Variants in HMGA2 observed in about 807,000 individuals in gnomAD.
HMGA2 encodes high mobility group protein HMGI-C.
HMGA2 carries 8 observed loss-of-function variants against 19.1 expected under a neutral mutation model. The ratio of observed to expected loss-of-function variants is 0.42; its 90% confidence interval spans 0.25 to 0.76. The LOEUF (loss-of-function observed/expected upper bound fraction) is 0.76, where lower values mean the gene tolerates loss of function less well. Ranked by LOEUF, HMGA2 falls within the 30% of genes least tolerant of loss-of-function variation. The pLI, the probability that HMGA2 is intolerant of heterozygous loss-of-function variation, is 0.28. For synonymous variants in HMGA2, 60 were observed against 48.8 expected, an observed-to-expected ratio of 1.23 and a Z score of -0.96; for missense variants, 109 against 136.3, an observed-to-expected ratio of 0.80 and a Z score of 1.00.
chr12:65,877,239 C>G (rs1287053170), intron 3 of HMGA2: 1 of 152,206 alleles, frequency 6.6e-6, no homozygotes, highest in African/African-American at 2.4e-5. Context: ...CGGCAGGCTG[C>G]ACTTTCCCAA....
intron 3 of HMGA2, chr12:65,859,627 C>T (rs1481397692): frequency 6.6e-6 from 1 of 152,224 alleles, no homozygotes; most frequent in Non-Finnish European, 1.5e-5. Context: ...TCTTCAAAGT[C>T]CAGTTTAGAC....
chr12:65,845,737 A>C (rs1871206849), intron 3 of HMGA2, among the ~76,000 whole-genome samples: 1 of 152,252 alleles, frequency 6.6e-6, no homozygotes, highest in Admixed American at 6.5e-5. Flanking sequence ...ACCTTTGGGC[A>C]GGTTGCTTAA....
intron 4 of HMGA2, among the ~76,000 whole-genome samples, chr12:65,961,738 AGTGTGTGT>A (rs66619603): frequency 0.025 from 3,819 of 150,254 alleles, 109 homozygotes; most frequent in African/African-American, 0.068. Flanking sequence ...CCCAGGATAG[AGTGTGTGT>A]GTGTGTGTGT....
At chr12:65,929,332 T>G (rs1315918038) in intron 3 of HMGA2, among the ~76,000 whole-genome samples, 1 of 152,060 alleles carries the variant, frequency 6.6e-6, no homozygotes, top group Non-Finnish European at 1.5e-5. Context: ...CTATAAAATG[T>G]AAAAACCTTT....
chr12:65,842,360 A>T, intron 3 of HMGA2: 1 of 616,740 alleles, frequency 1.6e-6, no homozygotes, highest in South Asian at 1.9e-5. Context: ...GGAAATTATG[A>T]TTAATTTCAC....
chr12:65,881,532 A>G, intron 3 of HMGA2: 1 of 584,034 alleles, frequency 1.7e-6, no homozygotes, highest in Non-Finnish European at 3.0e-6. Flanking sequence ...AACCACTCCA[A>G]CAAATCCTCC....
intron 3 of HMGA2, among the ~76,000 whole-genome samples, chr12:65,871,470 G>T (rs1055213391): frequency 1.3e-5 from 2 of 152,162 alleles, no homozygotes; most frequent in African/African-American, 4.8e-5. Flanking sequence ...TGTGTGAATG[G>T]AAAATGAATT....
intron 3 of HMGA2, among the ~76,000 whole-genome samples, chr12:65,938,049 G>A (rs372372871): frequency 1.5e-4 from 23 of 152,204 alleles, no homozygotes; most frequent in African/African-American, 5.3e-4. Context: ...AGCAGGTCTG[G>A]CCTGTTAAAA....
intron 2 of HMGA2, among the ~76,000 whole-genome samples, chr12:65,833,648 CT>C (rs1870572277): frequency 6.6e-6 from 1 of 152,040 alleles, no homozygotes; most frequent in Admixed American, 6.6e-5. Context: ...GATTTTCACC[CT>C]AGAAGGTTAT....
rs1243581639 is a variant in HMGA2 at position 65,947,703 on chromosome 12, G to C, written c.250-3680G>C. On this transcript the variant is annotated intron_variant, in intron 3 of 4. Transcript: ENST00000403681. The stretch of plus-strand genomic sequence containing the variant: ...CACTTAGAATTGGATCATCAGATTT[G>C]TCTAAACAACTTGAAAGGCTTTGCT... 2.6e-5 allele frequency among the ~76,000 whole-genome samples: 4 copies of C among 152,202 alleles called. No homozygotes were observed. The East Asian group carries it at 7.7e-4, about 29-fold the overall frequency.
Position 65,931,397 on chromosome 12 carries a change from C to A in HMGA2, c.250-19986C>A, listed in dbSNP as rs547588123. Among the ~76,000 whole-genome samples the A allele has an allele frequency of 2.5e-4, 38 of 152,122 alleles. No homozygotes were observed. In the East Asian group the frequency reaches 7.0e-3, roughly 28 times the overall value. On this transcript the variant is annotated intron_variant, in intron 3 of 4. Transcript: ENST00000403681. ...CATTTTGGAACTTCCTTCTTTACCC[C>A]CTCCCGAAACCATCATCTCACAACT...
intron 3 of HMGA2, among the ~76,000 whole-genome samples, chr12:65,933,706 T>C (rs976472008): frequency 1.3e-5 from 2 of 151,982 alleles, no homozygotes; most frequent in African/African-American, 4.8e-5. Context: ...TAGTGGGAGG[T>C]ATCCATCAAA....
intron 2 of HMGA2, among the ~76,000 whole-genome samples, chr12:65,829,569 C>T (rs572545202): frequency 5.9e-5 from 9 of 152,014 alleles, no homozygotes; most frequent in East Asian, 5.8e-4. Flanking sequence ...ATAGCTGACA[C>T]GCATTTAAGC....
intron 4 of HMGA2, chr12:65,952,597 A>AT (rs1876495076): frequency 1.9e-6 from 2 of 1,049,412 alleles, no homozygotes; most frequent in Non-Finnish European, 2.5e-6. Context: ...GCTAAAAAAA[A>AT]CCCAGTGTTT....
At chr12:65,838,682 G>A (rs1481940551) in intron 3 of HMGA2, 113 bp downstream of exon 3, 1 of 775,274 alleles carries the variant, frequency 1.3e-6, no homozygotes, top group East Asian at 2.7e-5. Context: ...CTGGTTTGAT[G>A]AATCTTTGAA....
intron 3 of HMGA2, chr12:65,914,767 C>T (rs1351923667): frequency 5.3e-6 from 2 of 379,270 alleles, no homozygotes; most frequent in Non-Finnish European, 1.0e-5. Flanking sequence ...CTCCACCTCC[C>T]AGGTTCAAGC....
chr12:65,831,255 G>C (rs1233290897), intron 2 of HMGA2, among the ~76,000 whole-genome samples: 1 of 151,830 alleles, frequency 6.6e-6, no homozygotes, highest in Non-Finnish European at 1.5e-5. Context: ...TAGAGAGAAA[G>C]AAGTTATAAT....
Position 65,828,088 on chromosome 12 carries a change from G to A in HMGA2, c.198+1G>A, listed in dbSNP as rs1241586108. ...GAGTCCCTCTAAAGCAGCTCAAAAGGTGAGATTTCTCAAGTCAAGCTCTCC... is the reference window on the plus strand; with the variant it reads ...GAGTCCCTCTAAAGCAGCTCAAAAGATGAGATTTCTCAAGTCAAGCTCTCC... On this transcript the variant is annotated splice_donor_variant, in intron 2 of 4. Transcript: ENST00000403681. LOFTEE classifies it high-confidence loss of function. 6.2e-7 allele frequency: 1 copy of A among 1,609,574 alleles called. No homozygotes were observed. The highest frequency in any genetic ancestry group is 8.5e-7 in the Non-Finnish European group (1 of 1,176,012).
chr12:65,923,652 T>C (rs946997516), intron 3 of HMGA2, among the ~76,000 whole-genome samples: 1 of 152,232 alleles, frequency 6.6e-6, no homozygotes, highest in Non-Finnish European at 1.5e-5. Context: ...ATAAGAGCCA[T>C]TTTCTGGCTT....
Sources: allele counts gnomAD v4.1 joint callset (sites outside exome capture counted in the v4.1 genomes callset), GRCh38; gene constraint gnomAD v4.1.1; transcripts MANE v1.5; gene names NCBI Gene and HGNC (gene_info 2026-07-23, HGNC 2026-07-21).